The following GREB1L variants were observed in gnomAD, a reference collection of about 807,000 sequenced individuals.
GREB1L encodes GREB1-like protein.
Under a neutral mutation model 200.8 loss-of-function variants are expected in GREB1L, and 17 were observed. The observed-to-expected ratio is 0.08, with a 90% CI of 0.06 to 0.13. GREB1L has a LOEUF of 0.13. GREB1L is among the 10% of genes least tolerant of loss of function. The pLI is 1.00. For synonymous variants in GREB1L, 789 were observed against 893.0 expected (o/e 0.88, Z 2.08); for missense variants, 1,657 against 2,367.7 (o/e 0.70, Z 6.23).
chr18:21,492,142 C>A (rs909832852), intron 19 of GREB1L, among the ~76,000 whole-genome samples: 1 of 152,050 alleles, frequency 6.6e-6, no homozygotes, highest in South Asian at 2.1e-4. Context: ...GTCAGGAGAT[C>A]AAGACCACCC....
chr18:21,243,777 A>T (rs2037548375), intron 1 of GREB1L, among the ~76,000 whole-genome samples: 1 of 152,260 alleles, frequency 6.6e-6, no homozygotes, highest in African/African-American at 2.4e-5. Flanking sequence ...AATATTTAGT[A>T]ATACAGTTAC....
intron 18 of GREB1L, among the ~76,000 whole-genome samples, chr18:21,489,682 T>C (rs1282817235): frequency 6.6e-6 from 1 of 152,132 alleles, no homozygotes; most frequent in African/African-American, 2.4e-5. Flanking sequence ...TTAGTAGGTC[T>C]GGGGTGGGGA....
intron 1 of GREB1L, among the ~76,000 whole-genome samples, chr18:21,315,320 G>A (rs553102658): frequency 6.6e-6 from 1 of 152,136 alleles, no homozygotes; most frequent in Non-Finnish European, 1.5e-5. Flanking sequence ...TGAATTCCTA[G>A]GCTCAAGTGA....
intron 15 of GREB1L, among the ~76,000 whole-genome samples, chr18:21,467,796 G>A (rs1327285428): frequency 2.0e-5 from 3 of 152,080 alleles, no homozygotes; most frequent in Admixed American, 6.6e-5. Flanking sequence ...AGGCCAAGGC[G>A]GGCGGATCAC....
chr18:21,499,207 G>A (rs2036675037), intron 21 of GREB1L, among the ~76,000 whole-genome samples: 1 of 152,258 alleles, frequency 6.6e-6, no homozygotes, highest in African/African-American at 2.4e-5. Flanking sequence ...GCCAGGACAG[G>A]ACTTGAATGT....
intron 18 of GREB1L, among the ~76,000 whole-genome samples, chr18:21,489,049 T>A (rs1598916937): frequency 6.6e-6 from 1 of 152,248 alleles, no homozygotes. Context: ...CTTTCTTGAC[T>A]AGCAGCTCTT....
chr18:21,322,769 G>A (rs1203310293), intron 1 of GREB1L, among the ~76,000 whole-genome samples: 1 of 152,012 alleles, frequency 6.6e-6, no homozygotes, highest in Non-Finnish European at 1.5e-5. Flanking sequence ...GACCAGAGGG[G>A]GAAAGATACA....
chr18:21,516,488 T>C (rs1173428777), intron 29 of GREB1L, 125 bp from the exon 30 acceptor site: 1 of 925,564 alleles, frequency 1.1e-6, no homozygotes, highest in African/African-American at 1.7e-5. Flanking sequence ...GAGGGCCAGC[T>C]CCACAAAAGC....
intron 17 of GREB1L, among the ~76,000 whole-genome samples, chr18:21,483,633 T>C (rs778024220): frequency 5.9e-5 from 9 of 152,088 alleles, no homozygotes; most frequent in Non-Finnish European, 8.8e-5. Context: ...TATTTTTATC[T>C]TATGGACCTT....
At chr18:21,384,444 A>C in intron 4 of GREB1L, 41 bp downstream of exon 4, 2 of 1,448,400 alleles carry the variant, frequency 1.4e-6, no homozygotes, top group South Asian at 1.3e-5. Flanking sequence ...TTTTGTCTCT[A>C]ATATTGTCTG....
chr18:21,405,452 T>C (rs2144598880), intron 7 of GREB1L, among the ~76,000 whole-genome samples: 1 of 152,354 alleles, frequency 6.6e-6, no homozygotes, highest in South Asian at 2.1e-4. Flanking sequence ...TTAAGAACCT[T>C]ATCAGTTGCT....
intron 1 of GREB1L, among the ~76,000 whole-genome samples, chr18:21,351,935 C>T (rs2039439252): frequency 6.6e-6 from 1 of 152,088 alleles, no homozygotes; most frequent in Non-Finnish European, 1.5e-5. Flanking sequence ...GCAAGCTCCG[C>T]CTCCCGGATT....
At position 21,496,387 on chromosome 18, in the gene GREB1L, CA is replaced by C. The variant is rs1204467951; in HGVS notation, c.3147-66del. ...CTGCTGTGTGTTGCATCCAGATCACCAGGCACACATACACACTGCGTGCCTG... is the reference window on the plus strand; with the variant it reads ...CTGCTGTGTGTTGCATCCAGATCACCGGCACACATACACACTGCGTGCCTG... On this transcript the variant is annotated intron_variant, in intron 20 of 32. Transcript: ENST00000424526. The C allele has an allele frequency of 4.7e-6, 7 of 1,504,544 alleles. No homozygotes were observed. The African/African-American group carries it at 9.7e-5, about 21-fold the overall frequency. The allele number at this position is 1,504,544 out of a possible 1,614,324, so 93.2% of individuals were successfully genotyped here.
intron 7 of GREB1L, among the ~76,000 whole-genome samples, chr18:21,422,562 G>A (rs2032241999): frequency 6.6e-6 from 1 of 151,994 alleles, no homozygotes; most frequent in Admixed American, 6.6e-5. Context: ...TTGTATGCAG[G>A]ATTCTGCACC....
chr18:21,296,737 C>A (rs1328555454), intron 1 of GREB1L, among the ~76,000 whole-genome samples: 1 of 151,902 alleles, frequency 6.6e-6, no homozygotes, highest in African/African-American at 2.4e-5. Flanking sequence ...TCATTGCAAC[C>A]TGCACCTCAT....
rs186650161 is a variant in GREB1L at position 21,271,721 on chromosome 18, G to T, written c.-120+29328G>T. On this transcript the variant is annotated intron_variant, in intron 1 of 32. Transcript: ENST00000424526. ...AATGTAGCCCCCACTCATGCAGGTTGCTGTTTAAGTTAAGTAGAGGGGAAA... is the reference window on the plus strand; with the variant it reads ...AATGTAGCCCCCACTCATGCAGGTTTCTGTTTAAGTTAAGTAGAGGGGAAA... Among the ~76,000 whole-genome samples, 14 of 151,874 alleles carry T rather than the reference G, an allele frequency of 9.2e-5. No homozygotes were observed. In the East Asian group the frequency reaches 2.5e-3, roughly 27 times the overall value.
intron 1 of GREB1L, among the ~76,000 whole-genome samples, chr18:21,333,226 G>A (rs187219656): frequency 2.6e-5 from 4 of 152,194 alleles, no homozygotes; most frequent in Admixed American, 1.3e-4. Context: ...ATACACACTC[G>A]CATGCACTGG....
rs551473535 is a variant in GREB1L, at chr18:21,312,534, TTTTATTTA to T, written c.-119-53465_-119-53458del. ...ATAACCATTCTTTTTTTATTCTTTA[TTTTATTTA>T]TTTATTTATTTATTTATTTATTTAT... is the stretch of plus-strand genomic sequence containing the variant. On this transcript the variant is annotated intron_variant, in intron 1 of 32. Transcript: ENST00000424526. Among the ~76,000 whole-genome samples the T allele has an allele frequency of 1.9e-3, 285 of 150,552 alleles. 1 individual carries two copies. Among genetic ancestry groups the T allele is most frequent in the African/African-American group, 4.0e-3 (162 of 40,648 alleles).
At chr18:21,428,674 C>T (rs1598817819) in intron 7 of GREB1L, among the ~76,000 whole-genome samples, 1 of 146,594 alleles carries the variant, frequency 6.8e-6, no homozygotes, top group Admixed American at 6.8e-5. Flanking sequence ...GTTGTCGGCC[C>T]GGGCTGGAGT....
Sources: allele counts gnomAD v4.1 joint callset (sites outside exome capture counted in the v4.1 genomes callset), GRCh38; gene constraint gnomAD v4.1.1; transcripts MANE v1.5; gene names NCBI Gene and HGNC (gene_info 2026-07-23, HGNC 2026-07-21).